Variants in SHROOM3 observed in about 807,000 individuals in gnomAD.
SHROOM3 encodes shroom family member 3.
In SHROOM3, 47 loss-of-function variants were observed where a neutral mutation model predicts 138.6. The ratio of observed to expected loss-of-function variants is 0.34; its 90% confidence interval spans 0.27 to 0.43. The LOEUF is 0.43. Among genes scored for constraint, SHROOM3 ranks in the 20% least tolerant of loss-of-function variants. The pLI, the probability that SHROOM3 is intolerant of heterozygous loss-of-function variation, is 1.00. For missense variants in SHROOM3, 2,491 were observed against 2,596.5 expected (o/e 0.96, Z 0.88); for synonymous variants, 1,062 against 1,063.3 (o/e 1.00, Z 0.02).
At chr4:76,752,914 A>G (rs562035181) in intron 6 of SHROOM3, among the ~76,000 whole-genome samples, 1 of 152,350 alleles carries the variant, frequency 6.6e-6, no homozygotes, top group Admixed American at 6.5e-5. Flanking sequence ...TTAAAACATC[A>G]GATTTCAACT....
rs896352127 is a variant in SHROOM3, at chr4:76,740,068, A to G, written c.1895A>G (p.Glu632Gly). ...GAGCCCTGGGAGGGCGATTTCCAGGAAGACCACAATGCCAACCTCTGGAGG... is the reference window on the plus strand; with the variant it reads ...GAGCCCTGGGAGGGCGATTTCCAGGGAGACCACAATGCCAACCTCTGGAGG... ...LSEPWEGDFQEDHNANLWRRL... is the reference protein window; with the variant it reads ...LSEPWEGDFQGDHNANLWRRL... The change falls in exon 5 of 11, where the codon GAA (glutamate) becomes GGA (glycine). Residue 632 changes from glutamate (E) to glycine (G), a missense_variant. By Grantham distance (98) the Glu-to-Gly change is moderately conservative. Around this residue, in one of 4 missense-constraint regions of SHROOM3, gnomAD observed 1,733 missense variants for 1,661.6 expected, o/e 1.04. Coordinates refer to ENST00000296043, the MANE Select transcript of SHROOM3 (RefSeq NM_020859.4). This position sits in a 1 kb window ranked among gnomAD's most constrained non-coding sequence, Gnocchi z 4.0. 2.5e-6 allele frequency: 4 copies of G among 1,613,690 alleles called. No individual in the cohort carries two copies. The highest frequency in any genetic ancestry group is 1.7e-5 in the Admixed American group (1 of 60,008).
chr4:76,439,539 T>C (rs1347608995), intron 1 of SHROOM3, among the ~76,000 whole-genome samples: 1 of 152,086 alleles, frequency 6.6e-6, no homozygotes, highest in Non-Finnish European at 1.5e-5. Context: ...AAGTGAAATG[T>C]GGTGGCTGAT....
intron 2 of SHROOM3, chr4:76,644,400 C>T (rs1367904043): frequency 6.6e-6 from 1 of 151,362 alleles, no homozygotes; most frequent in Admixed American, 6.6e-5. Context: ...CAGGCATGCG[C>T]CACCATGTCT....
At chr4:76,734,221 C>A (rs1183860597) in intron 4 of SHROOM3, among the ~76,000 whole-genome samples, 1 of 152,050 alleles carries the variant, frequency 6.6e-6, no homozygotes, top group Non-Finnish European at 1.5e-5. Flanking sequence ...GAATAACAAT[C>A]CACTAGATAC....
At chr4:76,758,036 A>G (rs575131471) in intron 8 of SHROOM3, 1 of 152,374 alleles carries the variant, frequency 6.6e-6, no homozygotes, top group East Asian at 1.9e-4. Flanking sequence ...GGAAAGAGCT[A>G]TGTGATACTT....
At chr4:76,728,008 C>CA (rs1450698458) in intron 3 of SHROOM3, among the ~76,000 whole-genome samples, 3 of 151,132 alleles carry the variant, frequency 2.0e-5, no homozygotes, top group Admixed American at 6.6e-5. Context: ...AAAAGAAATG[C>CA]AAGAAAAATA....
chr4:76,507,857 T>C (rs1418954352), intron 1 of SHROOM3, among the ~76,000 whole-genome samples: 1 of 152,144 alleles, frequency 6.6e-6, no homozygotes, highest in African/African-American at 2.4e-5. Context: ...CGTTTGTATA[T>C]CTTCTTATCG....
chr4:76,639,459 T>C, intron 2 of SHROOM3: 1 of 397,180 alleles, frequency 2.5e-6, no homozygotes, highest in Non-Finnish European at 4.4e-6. Flanking sequence ...ATTGTTTTTA[T>C]AACCAGTGCC....
At chr4:76,500,553 A>G (rs1198930998) in intron 1 of SHROOM3, among the ~76,000 whole-genome samples, 1 of 151,894 alleles carries the variant, frequency 6.6e-6, no homozygotes, top group Non-Finnish European at 1.5e-5. Flanking sequence ...AAGTGGTTAT[A>G]CCATTTTTTT....
intron 9 of SHROOM3, among the ~76,000 whole-genome samples, chr4:76,760,229 G>A (rs1410679329): frequency 6.6e-6 from 1 of 152,220 alleles, no homozygotes. Flanking sequence ...TGAAAGTGCA[G>A]TGCTGGAATC....
At chr4:76,569,658 CTTTCCAGTTTTCCTAGT>C (rs1423992778) in intron 2 of SHROOM3, among the ~76,000 whole-genome samples, 1 of 149,646 alleles carries the variant, frequency 6.7e-6, no homozygotes. Flanking sequence ...TCTCACACAT[CTTTCCAGTTTTCCTAGT>C]TTTCCAGTTT....
At chr4:76,468,751 C>G (rs1276359802) in intron 1 of SHROOM3, among the ~76,000 whole-genome samples, 2 of 152,008 alleles carry the variant, frequency 1.3e-5, no homozygotes, top group African/African-American at 4.8e-5. Flanking sequence ...ATTTGATGGC[C>G]TGGCGCGGTA....
intron 2 of SHROOM3, among the ~76,000 whole-genome samples, chr4:76,592,671 G>T (rs910959075): frequency 3.3e-5 from 5 of 152,158 alleles, no homozygotes; most frequent in Non-Finnish European, 5.9e-5. Flanking sequence ...CATTTTGAAA[G>T]TACCAAGTCC....
chr4:76,558,891 A>C (rs924851295), intron 2 of SHROOM3, among the ~76,000 whole-genome samples: 3 of 152,150 alleles, frequency 2.0e-5, no homozygotes, highest in African/African-American at 7.2e-5. Context: ...CCATCTTCCT[A>C]ATAGGGGCTT....
chr4:76,562,032 C>A (rs973854680), intron 2 of SHROOM3, among the ~76,000 whole-genome samples: 1 of 151,880 alleles, frequency 6.6e-6, no homozygotes, highest in Non-Finnish European at 1.5e-5. Flanking sequence ...ACAAAAAAAA[C>A]CCTCAAAACA....
intron 1 of SHROOM3, among the ~76,000 whole-genome samples, chr4:76,507,173 C>T (rs1732229098): frequency 6.6e-6 from 1 of 152,164 alleles, no homozygotes; most frequent in South Asian, 2.1e-4. Flanking sequence ...AGGTTTTAAT[C>T]ACCTTTGTTG....
Position 76,739,438 on chromosome 4 carries a change from C to A in SHROOM3, c.1265C>A (p.Ser422Tyr), listed in dbSNP as rs1481338260. The A allele has an allele frequency of 5.6e-6, 9 of 1,614,074 alleles. No homozygotes were observed. The highest frequency in any genetic ancestry group is 4.0e-5 in the African/African-American group (3 of 74,950). The part of the protein sequence containing the change: ...LCRPQANSLG[S>Y]LKSPFIEEQL... The stretch of plus-strand genomic sequence containing the variant: ...CGGCCTCAGGCAAACTCTTTAGGCT[C>A]CCTGAAGTCTCCATTCATAGAGGAG... Residue 422 changes from serine to tyrosine, a missense_variant, in exon 5 of 11, where the codon TCC becomes TAC. Transcript: ENST00000296043.
chr4:76,629,549 G>A (rs1311842857), intron 2 of SHROOM3, among the ~76,000 whole-genome samples: 1 of 152,236 alleles, frequency 6.6e-6, no homozygotes, highest in African/African-American at 2.4e-5. Context: ...ATAAGGGCAA[G>A]GCAAGGATTC....
rs1719201805 is a variant in SHROOM3, at chr4:76,681,625, G to GTGTGTGTGTA, written c.324-28525_324-28516dup. Among the ~76,000 whole-genome samples the GTGTGTGTGTA allele has an allele frequency of 8.6e-4, 101 of 117,878 alleles. 9 individuals carry two copies. Among genetic ancestry groups the GTGTGTGTGTA allele is most frequent in the African/African-American group, 3.4e-3 (96 of 28,268 alleles). 77.3% of individuals were successfully genotyped at this position (117,878 alleles called of 152,430 possible). A position where few individuals can be genotyped will look rare whatever the true frequency, so the allele number is the denominator to read the frequency against. On this transcript the variant is annotated intron_variant, in intron 2 of 10. Coordinates refer to ENST00000296043, the MANE Select transcript of SHROOM3 (RefSeq NM_020859.4). The stretch of plus-strand genomic sequence containing the variant: ...TGTGTGTGTGTGTGTGTGTGTGTGT[G>GTGTGTGTGTA]TGTGTGTGTATGTGTCTGGATGAGA...
Sources: gnomAD v4.1 joint callset for allele counts (sites outside exome capture counted in the v4.1 genomes callset) on GRCh38, gnomAD v4.1.1 for gene constraint, gnomAD v4.1.1 regional missense constraint, Gnocchi (gnomAD v3.1) non-coding constraint, MANE v1.5 for transcripts, NCBI Gene and HGNC (gene_info 2026-07-23, HGNC 2026-07-21) for gene names.